The following PDLIM2 variants were observed in gnomAD, a reference collection of about 807,000 sequenced individuals.
PDLIM2 encodes PDZ and LIM domain protein 2.
A neutral mutation model predicts 54.1 loss-of-function variants in PDLIM2; 51 were observed. The observed-to-expected ratio is 0.94, with a 90% CI of 0.75 to 1.19. The LOEUF (loss-of-function observed/expected upper bound fraction) is 1.19, where lower values mean the gene tolerates loss of function less well. Among genes scored for constraint, PDLIM2 ranks in the 50% most tolerant of loss-of-function variants. The pLI, the probability that PDLIM2 is intolerant of heterozygous loss-of-function variation, is 0.00. For synonymous variants in PDLIM2, 398 were observed against 385.6 expected, an observed-to-expected ratio of 1.03 and a Z score of -0.38; for missense variants, 912 against 874.0, an observed-to-expected ratio of 1.04 and a Z score of -0.55.
chr8:22,595,537 A>T (rs1471942486), downstream of PDLIM2: 1 of 152,252 alleles, frequency 6.6e-6, no homozygotes, highest in African/African-American at 2.4e-5. Context: ...GCTGGCATGA[A>T]TGAATAAGAG....
rs575498795 is a variant in PDLIM2 at position 22,585,258 on chromosome 8, C to T, written c.1212-63C>T. On this transcript the variant is annotated intron_variant, in intron 5 of 9. Coordinates refer to ENST00000308354, the Ensembl canonical transcript of PDLIM2. ...AGGAGCTCTGCTTGGGAGCCCGGGG[C>T]AGCATCCTCCCTGGGCAGGCTGGGG... is the stretch of plus-strand genomic sequence containing the variant. 6.2e-6 allele frequency: 10 copies of T among 1,600,492 alleles called. No individual in the cohort carries two copies. In the Admixed American group the frequency reaches 1.2e-4, roughly 19 times the overall value.
At chr8:22,594,734 T>C, downstream of PDLIM2, 11 of 1,510,532 alleles carry the variant, frequency 7.3e-6, no homozygotes, top group Non-Finnish European at 9.7e-6. Context: ...TTCCACTTCT[T>C]TCCTGGGAGA....
At chr8:22,579,033 C>G (rs1273140387) in exon 1 of PDLIM2, 5 of 1,240,752 alleles carry the variant, frequency 4.0e-6, no homozygotes, top group Non-Finnish European at 5.0e-6. Context: ...GCTCGCCGCG[C>G]GGAGGCGGCG....
At chr8:22,597,300 C>T (rs568811089), downstream of PDLIM2, 1 of 152,422 alleles carries the variant, frequency 6.6e-6, no homozygotes, top group Admixed American at 6.5e-5. Context: ...CCTGGCCTGG[C>T]TCTAGGCTTG....
At chr8:22,592,524 C>T (rs1800581615) in intron 9 of PDLIM2, 1 of 152,216 alleles carries the variant, frequency 6.6e-6, no homozygotes, top group Non-Finnish European at 1.5e-5. Flanking sequence ...ATCCCTTAAC[C>T]TCTCTGGGCT....
intron 3 of PDLIM2, 56 bp downstream of exon 2, chr8:22,581,586 G>T: frequency 6.6e-7 from 1 of 1,516,444 alleles, no homozygotes; most frequent in Non-Finnish European, 8.8e-7. Flanking sequence ...ACCACCCCAC[G>T]TATTGAGCAG....
In PDLIM2 at chr8:22,585,310, C is replaced by G. The variant is rs528257378; in HGVS notation, c.1212-11C>G. The G allele has an allele frequency of 1.7e-5, 28 of 1,612,918 alleles. No individual in the cohort carries two copies. The Admixed American group carries it at 2.5e-4, about 14-fold the overall frequency. ...TGGCCCTGGCACACACTGTCCCTTTCCCACTTTCAGCTTCCAGAGTCTGGC... is the reference window on the plus strand; with the variant it reads ...TGGCCCTGGCACACACTGTCCCTTTGCCACTTTCAGCTTCCAGAGTCTGGC... On this transcript the variant is annotated splice_polypyrimidine_tract_variant and intron_variant, in intron 5 of 9. Coordinates refer to ENST00000308354, the Ensembl canonical transcript of PDLIM2.
At chr8:22,582,867 C>T (rs111955092) in intron 3 of PDLIM2, among the ~76,000 whole-genome samples, 1,936 of 151,332 alleles carry the variant, frequency 0.013, 58 homozygotes, top group African/African-American at 0.045. Flanking sequence ...GGTATTACAC[C>T]GCGCCCGGCC....
chr8:22,594,237 T>A, exon 10 of PDLIM2: 1 of 1,392,842 alleles, frequency 7.2e-7, no homozygotes, highest in African/African-American at 1.5e-5. Context: ...GGGCTAATGG[T>A]GTCACTGTGT....
rs1056690818 is a variant in PDLIM2, at chr8:22,585,143, G to T, written c.1192G>T (p.Glu398Ter). The T allele has an allele frequency of 2.5e-6, 4 of 1,613,514 alleles. No individual in the cohort carries two copies. Among genetic ancestry groups the T allele is most frequent in the Non-Finnish European group, 3.4e-6 (4 of 1,179,980 alleles). Reference sequence around the variant, plus strand: ...ACCCTCTAGCAGCTCCCTCACTGGAGAGGCAGCCATCAGCCGCAGGTGAGT... The same window carrying T: ...ACCCTCTAGCAGCTCCCTCACTGGATAGGCAGCCATCAGCCGCAGGTGAGT... Residue 398 changes from glutamate (E) to a stop codon, truncating the protein, a stop_gained, in exon 5 of 10, where the codon GAG becomes TAG. Transcript: ENST00000308354. LOFTEE classifies it high-confidence loss of function.
intron 8 of PDLIM2, chr8:22,591,300 C>T (rs1800538807): frequency 3.5e-6 from 2 of 565,136 alleles, no homozygotes; most frequent in Non-Finnish European, 6.4e-6. Flanking sequence ...CTTCACCTGA[C>T]ACTGAGCACA....
chr8:22,593,574 T>C, intron 9 of PDLIM2, 159 bp from the exon 9 acceptor site: 1 of 540,970 alleles, frequency 1.8e-6, no homozygotes. Context: ...CAAAACTCCA[T>C]CTCAAAAAAA....
chr8:22,583,972 C>G (rs1800291150), intron 3 of PDLIM2, among the ~76,000 whole-genome samples: 1 of 147,002 alleles, frequency 6.8e-6, no homozygotes, highest in African/African-American at 2.5e-5. Flanking sequence ...TAGAACCAAA[C>G]TATCCTTTCT....
intron 3 of PDLIM2, among the ~76,000 whole-genome samples, chr8:22,584,456 G>T (rs577191304): frequency 3.9e-5 from 6 of 152,052 alleles, no homozygotes; most frequent in Non-Finnish European, 7.3e-5. Flanking sequence ...CTACCGGCAT[G>T]CACCACCATG....
exon 2 of PDLIM2, chr8:22,580,651 G>A (rs750036569): frequency 1.4e-5 from 22 of 1,613,978 alleles, no homozygotes; most frequent in South Asian, 1.3e-4. Context: ...TGGGGCTTCC[G>A]TATCACAGGG....
intron 1 of PDLIM2, chr8:22,580,561 G>A (rs758587940): frequency 1.2e-6 from 2 of 1,613,044 alleles, no homozygotes; most frequent in African/African-American, 1.3e-5. Flanking sequence ...CCCAGAGCCG[G>A]CTAGGGGCAT....
At chr8:22,580,298 G>T (rs967927710) in intron 1 of PDLIM2, 177 bp from the exon 1 acceptor site, 2 of 447,602 alleles carry the variant, frequency 4.5e-6, no homozygotes. Flanking sequence ...GCCAGCCCCT[G>T]CCCCCCATGC....
downstream of PDLIM2, chr8:22,594,886 A>G: frequency 4.3e-6 from 2 of 469,532 alleles, no homozygotes; most frequent in South Asian, 3.1e-5. Context: ...TGATCATGCC[A>G]CTGCATTCCA....
chr8:22,594,396 T>G, downstream of PDLIM2: 1 of 1,551,722 alleles, frequency 6.4e-7, no homozygotes, highest in East Asian at 2.3e-5. Flanking sequence ...ATACGTTTCT[T>G]CTTCTTTTCC....
Sources: allele counts gnomAD v4.1 joint callset (sites outside exome capture counted in the v4.1 genomes callset), GRCh38; gene constraint gnomAD v4.1.1; transcripts MANE v1.5; gene names NCBI Gene and HGNC (gene_info 2026-07-23, HGNC 2026-07-21).